HERC1: variants seen among roughly 807,000 people sequenced by gnomAD.
HERC1 encodes the protein HECT and RLD domain containing E3 ubiquitin protein ligase family member 1.
HERC1 carries 160 observed loss-of-function variants against 554.3 expected under a neutral mutation model. The ratio of observed to expected loss-of-function variants is 0.29; its 90% confidence interval spans 0.25 to 0.33. The LOEUF (loss-of-function observed/expected upper bound fraction) is 0.33. HERC1 is among the 10% of genes least tolerant of loss of function. HERC1 has a pLI of 1.00. For missense variants in HERC1, 4,919 were observed against 5,918.5 expected (o/e 0.83, Z 5.54); for synonymous variants, 2,175 against 2,131.7 (o/e 1.02, Z -0.56).
At chr15:63,654,735 G>A (rs902778014) in intron 50 of HERC1, among the ~76,000 whole-genome samples, 4 of 151,630 alleles carry the variant, frequency 2.6e-5, no homozygotes, top group African/African-American at 9.7e-5. Flanking sequence ...ATGGTATGGT[G>A]GCACGTGCCT....
At chr15:63,707,452 T>G (rs535337280) in intron 24 of HERC1, among the ~76,000 whole-genome samples, 3 of 152,362 alleles carry the variant, frequency 2.0e-5, no homozygotes, top group South Asian at 2.1e-4. Context: ...TATATTTCTG[T>G]GTGTTACCTG....
intron 55 of HERC1, among the ~76,000 whole-genome samples, chr15:63,646,026 T>C (rs1390936471): frequency 1.3e-5 from 2 of 152,192 alleles, no homozygotes; most frequent in Non-Finnish European, 2.9e-5. Flanking sequence ...ATCATTACAG[T>C]ATAAAAAAGA....
At chr15:63,733,604 G>A (rs1055227628) in intron 13 of HERC1, among the ~76,000 whole-genome samples, 4 of 152,184 alleles carry the variant, frequency 2.6e-5, no homozygotes, top group African/African-American at 7.2e-5. Flanking sequence ...TGTAATCACA[G>A]CACTTTGGGA....
intron 23 of HERC1, 56 bp from the exon 24 acceptor site, chr15:63,712,951 A>T: frequency 6.6e-7 from 1 of 1,517,922 alleles, no homozygotes; most frequent in Non-Finnish European, 8.9e-7. Context: ...TAGTGAACAT[A>T]AAATTGAATG....
chr15:63,825,776 T>G (rs1158685255), intron 1 of HERC1, among the ~76,000 whole-genome samples: 1 of 152,066 alleles, frequency 6.6e-6, no homozygotes, highest in East Asian at 1.9e-4. Context: ...TAATTTTTTT[T>G]TTTTTGAGAT....
chr15:63,829,591 ATAT>A (rs1567172248), intron 1 of HERC1, among the ~76,000 whole-genome samples: 68 of 137,308 alleles, frequency 5.0e-4, no homozygotes, highest in African/African-American at 1.8e-3. Context: ...ATATATATAT[ATAT>A]AATATACTGA....
intron 26 of HERC1, among the ~76,000 whole-genome samples, chr15:63,697,793 T>C (rs1006245192): frequency 4.6e-5 from 7 of 152,170 alleles, no homozygotes; most frequent in Non-Finnish European, 1.0e-4. Context: ...CTGCCAGGTT[T>C]CTGCAATGTG....
Position 63,694,344 on chromosome 15 carries a change from T to C in HERC1, c.5448A>G (p.Thr1816=), listed in dbSNP as rs772123888. ...QLSTALKVAS[T]RLLQILAITT... The stretch of plus-strand genomic sequence containing the variant: ...TGATGGCTAGAATCTGGAGCAACCT[T>C]GTACTGGCCACTTTCAAAGCTGTGC... Residue 1816 remains threonine (T), a synonymous_variant, in exon 29 of 78, where the codon ACA becomes ACG. Coordinates refer to ENST00000443617, the MANE Select transcript of HERC1 (RefSeq NM_003922.4). The surrounding 1 kb of genome is among the most constrained non-coding windows in gnomAD (Gnocchi z 4.3). The C allele has an allele frequency of 6.8e-6, 11 of 1,613,864 alleles. 1 individual carries two copies. In the South Asian group the frequency reaches 9.9e-5, roughly 15 times the overall value.
At chr15:63,813,452 T>C (rs1399508008) in intron 1 of HERC1, among the ~76,000 whole-genome samples, 3 of 152,048 alleles carry the variant, frequency 2.0e-5, no homozygotes, top group Non-Finnish European at 4.4e-5. Context: ...TACTTATCTT[T>C]TAATCTAGGA....
chr15:63,671,022 A>G (rs759104746), intron 39 of HERC1, among the ~76,000 whole-genome samples: 3 of 151,916 alleles, frequency 2.0e-5, no homozygotes, highest in Non-Finnish European at 2.9e-5. Flanking sequence ...ACCAGCATGG[A>G]GAAACCCTGT....
chr15:63,649,086 G>A (rs958240451), intron 54 of HERC1, among the ~76,000 whole-genome samples: 1 of 152,222 alleles, frequency 6.6e-6, no homozygotes, highest in Admixed American at 6.5e-5. Context: ...CAGGCACGGT[G>A]GCTCACGCCT....
intron 18 of HERC1, 119 bp downstream of exon 18, chr15:63,725,173 A>T: frequency 1.2e-6 from 1 of 836,174 alleles, no homozygotes. Flanking sequence ...CAGATTCCCT[A>T]CACTGCTAAT....
chr15:63,756,312 A>T lies in HERC1; in HGVS notation c.1533+125T>A, dbSNP rs1007871685. On this transcript the variant is annotated intron_variant, in intron 5 of 77. Coordinates refer to ENST00000443617, the MANE Select transcript of HERC1 (RefSeq NM_003922.4). This position sits in a 1 kb window ranked among gnomAD's most constrained non-coding sequence, Gnocchi z 5.0. Reference sequence around the variant, plus strand: ...GTTCTGTAAACTGTAAAGCAGAGATACAAAAGATTAAGCCAAAGGGTTGAA... The same window carrying T: ...GTTCTGTAAACTGTAAAGCAGAGATTCAAAAGATTAAGCCAAAGGGTTGAA... 7.0e-6 allele frequency: 5 copies of T among 712,862 alleles called. No individual in the cohort carries two copies. Among genetic ancestry groups the T allele is most frequent in the Non-Finnish European group, 7.3e-6 (3 of 411,776 alleles). 44.2% of individuals were successfully genotyped at this position (712,862 alleles called of 1,614,324 possible). A position where few individuals can be genotyped will look rare whatever the true frequency, so the allele number is the denominator to read the frequency against.
intron 1 of HERC1, among the ~76,000 whole-genome samples, chr15:63,789,078 GTTTTTTTTT>G (rs71131178): frequency 8.1e-4 from 68 of 83,582 alleles, no homozygotes; most frequent in African/African-American, 3.3e-3. Context: ...GGAATAAAAG[GTTTTTTTTT>G]TTTTTTTTTT....
At chr15:63,728,853 T>G (rs1372152283) in intron 16 of HERC1, among the ~76,000 whole-genome samples, 2 of 146,280 alleles carry the variant, frequency 1.4e-5, no homozygotes, top group Non-Finnish European at 3.0e-5. Flanking sequence ...GGACTGTGAC[T>G]ACACAGAAGC....
intron 24 of HERC1, among the ~76,000 whole-genome samples, chr15:63,708,451 C>T (rs1368497805): frequency 6.6e-6 from 1 of 152,104 alleles, no homozygotes; most frequent in Admixed American, 6.6e-5. Context: ...TCTAAATTAT[C>T]CTTTTGTAAA....
chr15:63,643,151 A>C (rs1041422441), intron 58 of HERC1, 93 bp from the exon 59 acceptor site: 1 of 996,448 alleles, frequency 1.0e-6, no homozygotes, highest in South Asian at 1.4e-5. Context: ...AACATATTCT[A>C]AAGTCTACAT....
chr15:63,673,501 T>C (rs2071039236), intron 38 of HERC1, among the ~76,000 whole-genome samples: 1 of 152,232 alleles, frequency 6.6e-6, no homozygotes, highest in Admixed American at 6.5e-5. Flanking sequence ...TTTTGTTAAC[T>C]GCTGTCTCTC....
rs148683878 is a variant in HERC1, at chr15:63,626,571, T to C, written c.13106-417A>G. The stretch of plus-strand genomic sequence containing the variant: ...GTTCTGGAAAATGGAAATGGGAAAC[T>C]TAGCAGAGCCAACTCCATATTCACT... On this transcript the variant is annotated intron_variant, in intron 70 of 77. Transcript: ENST00000443617. 2.8e-4 allele frequency among the ~76,000 whole-genome samples: 43 copies of C among 152,314 alleles called. No individual in the cohort carries two copies. In the East Asian group the frequency reaches 8.3e-3, roughly 29 times the overall value.
Sources: gnomAD v4.1 joint callset for allele counts (sites outside exome capture counted in the v4.1 genomes callset) on GRCh38, gnomAD v4.1.1 for gene constraint, Gnocchi (gnomAD v3.1) non-coding constraint, MANE v1.5 for transcripts, NCBI Gene and HGNC (gene_info 2026-07-23, HGNC 2026-07-21) for gene names.